Variants in TTC28 observed in about 807,000 individuals in gnomAD.
TTC28 encodes tetratricopeptide repeat domain 28, also known as tetratricopeptide repeat protein 28.
In TTC28, 61 loss-of-function variants were observed where a neutral mutation model predicts 198.0. The observed-to-expected ratio is 0.31, with a 90% CI of 0.25 to 0.38. The LOEUF (loss-of-function observed/expected upper bound fraction) is 0.38, where lower values mean the gene tolerates loss of function less well. Among genes scored for constraint, TTC28 ranks in the 10% least tolerant of loss-of-function variants. The pLI, the probability that TTC28 is intolerant of heterozygous loss-of-function variation, is 1.00. For missense variants in TTC28, 2,678 were observed against 3,164.0 expected (o/e 0.85, Z 3.69); for synonymous variants, 1,171 against 1,297.8 (o/e 0.90, Z 2.10).
At chr22:28,283,658 C>T (rs938147781) in intron 5 of TTC28, among the ~76,000 whole-genome samples, 2 of 151,922 alleles carry the variant, frequency 1.3e-5, no homozygotes, top group African/African-American at 4.8e-5. Flanking sequence ...TTCACAATCA[C>T]AAAAAATGAA....
rs151206749 is a variant in TTC28, at chr22:28,296,064, G to GT, written c.933+133dup. On this transcript the variant is annotated intron_variant, in intron 5 of 22. Transcript: ENST00000397906. The stretch of plus-strand genomic sequence containing the variant: ...CAATTGTTGATGAAAAACAGAATCA[G>GT]TAAGTCTCAAGTAATACTTTCTTCT... 849 of 920,698 alleles carry GT rather than the reference G, an allele frequency of 9.2e-4. 3 individuals are homozygous for GT. In the African/African-American group the frequency reaches 0.011, roughly 12 times the overall value. 57.0% of individuals were successfully genotyped at this position (920,698 alleles called of 1,614,324 possible). A position where few individuals can be genotyped will look rare whatever the true frequency, so the allele number is the denominator to read the frequency against.
chr22:27,992,749 A>C, intron 18 of TTC28, 86 bp from the exon 19 acceptor site: 1 of 1,309,332 alleles, frequency 7.6e-7, no homozygotes, highest in Non-Finnish European at 1.1e-6. Context: ...AGAACCCTAA[A>C]TCCTTGGCAT....
rs182822046 is a variant in TTC28 at position 28,531,764 on chromosome 22, A to C, written c.381+97788T>G. 6.0e-3 allele frequency among the ~76,000 whole-genome samples: 913 copies of C among 152,324 alleles called. 5 individuals are homozygous for C. The highest frequency in any genetic ancestry group is 0.02 in the African/African-American group (821 of 41,578). On this transcript the variant is annotated intron_variant, in intron 2 of 22. Transcript: ENST00000397906. ...CTCAGGATTAAGAAACTCACTCGAA[A>C]CCACTCAACTACATGGAAACTGAAC...
At chr22:28,459,050 C>G (rs1165716015) in intron 2 of TTC28, among the ~76,000 whole-genome samples, 1 of 151,900 alleles carries the variant, frequency 6.6e-6, no homozygotes, top group East Asian at 1.9e-4. Context: ...TGTGTGTTGA[C>G]AGAGGGGTAA....
intron 2 of TTC28, among the ~76,000 whole-genome samples, chr22:28,605,934 C>T (rs952658488): frequency 6.6e-6 from 1 of 152,098 alleles, no homozygotes; most frequent in African/African-American, 2.4e-5. Flanking sequence ...ATTCAAAATG[C>T]TAAAATAGAT....
rs372409227 is a variant in TTC28 at position 27,983,139 on chromosome 22, C to T, written c.6528G>A (p.Ala2176=). ...ILEETQSHLI[A]VERLQRSGGQ... is the part of the protein sequence containing the mutation. Reference sequence around the variant, plus strand: ...CGCCGCTCCTCTGAAGACGCTCCACCGCAATGAGATGACTCTGTGTCTCCT... The same window carrying T: ...CGCCGCTCCTCTGAAGACGCTCCACTGCAATGAGATGACTCTGTGTCTCCT... The change falls in exon 23 of 23, where the codon GCG becomes GCA. Residue 2176 remains alanine (A), a synonymous_variant. Transcript: ENST00000397906. 229 of 1,551,782 alleles carry T rather than the reference C, an allele frequency of 1.5e-4. No homozygotes were observed. The African/African-American group carries it at 2.6e-3, about 18-fold the overall frequency.
At chr22:28,469,994 TC>T (rs2048077617) in intron 2 of TTC28, among the ~76,000 whole-genome samples, 1 of 151,852 alleles carries the variant, frequency 6.6e-6, no homozygotes, top group Non-Finnish European at 1.5e-5. Flanking sequence ...TACCACCACA[TC>T]CAGTTAATTT....
chr22:28,620,448 AC>A, intron 2 of TTC28, among the ~76,000 whole-genome samples: 1 of 152,236 alleles, frequency 6.6e-6, no homozygotes. Context: ...AGTTGAGCAA[AC>A]TTTGCACTCG....
chr22:28,470,768 G>A (rs543125877), intron 2 of TTC28, among the ~76,000 whole-genome samples: 3 of 152,302 alleles, frequency 2.0e-5, no homozygotes, highest in East Asian at 3.9e-4. Context: ...TAAAACAGCC[G>A]TCTGAGAAGG....
intron 2 of TTC28, among the ~76,000 whole-genome samples, chr22:28,573,850 C>G (rs754511324): frequency 2.0e-5 from 3 of 151,948 alleles, no homozygotes; most frequent in Non-Finnish European, 2.9e-5. Context: ...CCCCCACCCC[C>G]ACTACCTTTC....
chr22:28,080,086 ATC>A (rs1163935620), intron 12 of TTC28, among the ~76,000 whole-genome samples: 1 of 152,106 alleles, frequency 6.6e-6, no homozygotes, highest in African/African-American at 2.4e-5. Context: ...CATTTTTAAA[ATC>A]TGTTTATCCA....
chr22:28,153,071 T>G (rs1478926216), intron 6 of TTC28, among the ~76,000 whole-genome samples: 1 of 152,160 alleles, frequency 6.6e-6, no homozygotes, highest in Non-Finnish European at 1.5e-5. Context: ...TATGTAACAT[T>G]ATTCCACCTG....
intron 2 of TTC28, among the ~76,000 whole-genome samples, chr22:28,322,487 T>C (rs1354905778): frequency 6.6e-6 from 1 of 152,214 alleles, no homozygotes; most frequent in Non-Finnish European, 1.5e-5. Context: ...ATGTTTATTT[T>C]GTGCCTAATT....
chr22:28,460,610 GATA>G (rs1447371798), intron 2 of TTC28, among the ~76,000 whole-genome samples: 22 of 646 alleles, frequency 0.034, no homozygotes, highest in Admixed American at 0.065. Flanking sequence ...ATTAATGGTA[GATA>G]GATAGATAGA....
chr22:28,233,212 T>A (rs1601511681), intron 5 of TTC28, among the ~76,000 whole-genome samples: 1 of 152,208 alleles, frequency 6.6e-6, no homozygotes, highest in Non-Finnish European at 1.5e-5. Context: ...TTTTCAGTGA[T>A]AATTTTTTTA....
intron 2 of TTC28, among the ~76,000 whole-genome samples, chr22:28,589,893 C>T (rs1292447056): frequency 6.6e-6 from 1 of 151,460 alleles, no homozygotes; most frequent in Non-Finnish European, 1.5e-5. Flanking sequence ...CAAAAATTAA[C>T]TGGGCATGGT....
chr22:28,443,763 T>C (rs1425069859), intron 2 of TTC28, among the ~76,000 whole-genome samples: 1 of 151,930 alleles, frequency 6.6e-6, no homozygotes, highest in African/African-American at 2.4e-5. Context: ...ACACAAAAAG[T>C]AAAGCATGCA....
intron 2 of TTC28, among the ~76,000 whole-genome samples, chr22:28,479,656 G>A (rs1378307944): frequency 6.6e-6 from 1 of 152,086 alleles, no homozygotes; most frequent in Non-Finnish European, 1.5e-5. Flanking sequence ...GTAGATAACA[G>A]GTGACAATCA....
At chr22:28,635,103 C>T (rs1417933474) in intron 1 of TTC28, among the ~76,000 whole-genome samples, 7 of 151,922 alleles carry the variant, frequency 4.6e-5, no homozygotes, top group Admixed American at 6.6e-5. Context: ...GGGCGGATCA[C>T]GAGGTCAGGA....
Sources: gnomAD v4.1 joint callset for allele counts (sites outside exome capture counted in the v4.1 genomes callset) on GRCh38, gnomAD v4.1.1 for gene constraint, MANE v1.5 for transcripts, NCBI Gene and HGNC (gene_info 2026-07-23, HGNC 2026-07-21) for gene names.